Variants in KCNC2 observed in about 807,000 individuals in gnomAD.
KCNC2 encodes voltage-gated potassium channel KCNC2.
KCNC2 carries 21 observed loss-of-function variants against 44.5 expected under a neutral mutation model. The ratio of observed to expected loss-of-function variants is 0.47; its 90% CI spans 0.33 to 0.68. The LOEUF is 0.68. KCNC2 is among the 30% of genes least tolerant of loss of function. The probability of loss-of-function intolerance (pLI) is 0.01; values close to 1 mark genes in which losing one functional copy is unlikely to be tolerated. For missense variants in KCNC2, 589 were observed against 826.2 expected (o/e 0.71, Z 3.52); for synonymous variants, 391 against 339.1 (o/e 1.15, Z -1.68).
chr12:75,132,021 A>T (rs1565879962), intron 2 of KCNC2, among the ~76,000 whole-genome samples: 1 of 152,206 alleles, frequency 6.6e-6, no homozygotes, highest in Non-Finnish European at 1.5e-5. Flanking sequence ...CTTGTCTCTA[A>T]AATCAGAAAA....
At chr12:75,161,280 T>C (rs1032147729) in intron 2 of KCNC2, among the ~76,000 whole-genome samples, 23 of 151,686 alleles carry the variant, frequency 1.5e-4, no homozygotes, top group Non-Finnish European at 3.2e-4. Flanking sequence ...TAAACATCTG[T>C]ACATATAATA....
At chr12:75,093,641 A>C (rs2137142623) in intron 2 of KCNC2, among the ~76,000 whole-genome samples, 1 of 151,678 alleles carries the variant, frequency 6.6e-6, no homozygotes, top group East Asian at 1.9e-4. Flanking sequence ...CTTAATTTAC[A>C]GTTGGGCCTT....
chr12:75,095,513 A>G (rs1592858234), intron 2 of KCNC2, among the ~76,000 whole-genome samples: 1 of 151,792 alleles, frequency 6.6e-6, no homozygotes, highest in East Asian at 1.9e-4. Context: ...GTTTTCCTTC[A>G]TTCCTCCAGT....
At chr12:75,051,388 A>G in intron 2 of KCNC2, 71 bp from the exon 3 acceptor site, 5 of 849,406 alleles carry the variant, frequency 5.9e-6, no homozygotes, top group Non-Finnish European at 9.0e-6. Context: ...CTAATCTAAA[A>G]GCAACAATCC....
Position 75,187,591 on chromosome 12 carries a change from G to A in KCNC2, c.687+19706C>T, listed in dbSNP as rs546784444. The stretch of plus-strand genomic sequence containing the variant: ...GAATTATTTGCAGAAGAGATATAGC[G>A]AAGGCCAAAGAGAGTGATTGTAGGA... On this transcript the variant is annotated intron_variant, in intron 2 of 4. Coordinates refer to ENST00000549446, the MANE Select transcript of KCNC2 (RefSeq NM_139137.4). 9.2e-5 allele frequency among the ~76,000 whole-genome samples: 14 copies of A among 152,286 alleles called. No homozygotes were observed. The East Asian group carries it at 1.5e-3, about 17-fold the overall frequency.
chr12:75,124,689 A>G (rs1205640480), intron 2 of KCNC2: 2 of 152,216 alleles, frequency 1.3e-5, no homozygotes, highest in Non-Finnish European at 2.9e-5. Context: ...TTGCTTTCTT[A>G]TTAGTGGTTA....
rs1331382256 is a variant in KCNC2 at position 75,042,732 on chromosome 12, C to T, written c.*373G>A. 1 of 1,156,794 alleles carries T rather than the reference C, an allele frequency of 8.6e-7. No individual in the cohort carries two copies. The highest frequency in any genetic ancestry group is 1.6e-5 in the African/African-American group (1 of 62,460). 71.7% of individuals were successfully genotyped at this position (1,156,794 alleles called of 1,614,324 possible). A position where few individuals can be genotyped will look rare whatever the true frequency, so the allele number is the denominator to read the frequency against. The stretch of plus-strand genomic sequence containing the variant: ...TCCCAGACATCTTCAGAATGGTTTA[C>T]AGTCACAAGAAATAAAGTTCCAATG... On this transcript the variant is annotated 3_prime_UTR_variant, in exon 5 of 5. Coordinates refer to ENST00000549446, the MANE Select transcript of KCNC2 (RefSeq NM_139137.4).
intron 2 of KCNC2, among the ~76,000 whole-genome samples, chr12:75,123,789 A>G (rs552562571): frequency 6.6e-6 from 1 of 152,298 alleles, no homozygotes; most frequent in Admixed American, 6.5e-5. Flanking sequence ...CATTACACAG[A>G]ATCAAAGAAA....
At chr12:75,160,186 T>C (rs1048021875) in intron 2 of KCNC2, among the ~76,000 whole-genome samples, 2 of 151,714 alleles carry the variant, frequency 1.3e-5, no homozygotes, top group African/African-American at 4.8e-5. Context: ...GCCACCCTTA[T>C]AAGAAGAAGA....
intron 2 of KCNC2, among the ~76,000 whole-genome samples, chr12:75,116,677 G>A (rs1279048330): frequency 6.6e-6 from 1 of 152,104 alleles, no homozygotes; most frequent in African/African-American, 2.4e-5. Flanking sequence ...TTTAAAAGTA[G>A]AACAAAAGGG....
At chr12:75,175,536 T>C (rs1892125888) in intron 2 of KCNC2, among the ~76,000 whole-genome samples, 1 of 151,972 alleles carries the variant, frequency 6.6e-6, no homozygotes, top group South Asian at 2.1e-4. Context: ...CTATTTCTGG[T>C]CAATGAATTG....
chr12:75,160,181 C>CATATAATTCTT (rs1891028899), intron 2 of KCNC2, among the ~76,000 whole-genome samples: 1 of 151,450 alleles, frequency 6.6e-6, no homozygotes, highest in East Asian at 1.9e-4. Context: ...TAATTGCCAC[C>CATATAATTCTT]CTTATAAGAA....
At chr12:75,080,330 T>C (rs774022127) in intron 2 of KCNC2, among the ~76,000 whole-genome samples, 101 of 151,924 alleles carry the variant, frequency 6.6e-4, no homozygotes, top group Non-Finnish European at 5.7e-4. Flanking sequence ...TTGTTTTAAA[T>C]ATGTGAAAGA....
In KCNC2 at chr12:75,110,532, G is replaced by C. The variant is rs116725171; in HGVS notation, c.688-59215C>G. The stretch of plus-strand genomic sequence containing the variant: ...CCACCTAAGAAAAGTATGTAAGAAG[G>C]CAACAAATATCAACTGACCAGGACC... On this transcript the variant is annotated intron_variant, in intron 2 of 4. Transcript: ENST00000549446. Among the ~76,000 whole-genome samples the C allele has an allele frequency of 9.5e-3, 1,444 of 152,126 alleles. 17 individuals carry two copies. The highest frequency in any genetic ancestry group is 0.033 in the African/African-American group (1,363 of 41,500).
At chr12:75,105,316 G>T (rs575022018) in intron 2 of KCNC2, among the ~76,000 whole-genome samples, 1 of 152,250 alleles carries the variant, frequency 6.6e-6, no homozygotes, top group Non-Finnish European at 1.5e-5. Context: ...GAATTACATA[G>T]TAAGAAGTCC....
chr12:75,115,570 T>G (rs921258354), intron 2 of KCNC2, among the ~76,000 whole-genome samples: 2 of 152,328 alleles, frequency 1.3e-5, no homozygotes, highest in Middle Eastern at 3.4e-3. Flanking sequence ...ATTAGTGCTT[T>G]TGCCAGGAAT....
intron 2 of KCNC2, among the ~76,000 whole-genome samples, chr12:75,084,279 A>AGAT (rs1565840343): frequency 3.8e-4 from 45 of 119,238 alleles, no homozygotes; most frequent in Admixed American, 2.0e-3. Context: ...TTAGATAGAT[A>AGAT]GATAGATAGA....
At chr12:75,185,899 A>C (rs548695132) in intron 2 of KCNC2, among the ~76,000 whole-genome samples, 3 of 151,904 alleles carry the variant, frequency 2.0e-5, no homozygotes, top group South Asian at 2.1e-4. Context: ...TACAAAAATT[A>C]GCCGGTCATG....
intron 2 of KCNC2, among the ~76,000 whole-genome samples, chr12:75,206,490 G>A (rs12304866): frequency 0.012 from 1,761 of 152,200 alleles, 43 homozygotes; most frequent in African/African-American, 0.04. Flanking sequence ...GAACACTGAG[G>A]CTGAAATCAC....
Sources: gnomAD v4.1 joint callset for allele counts (sites outside exome capture counted in the v4.1 genomes callset) on GRCh38, gnomAD v4.1.1 for gene constraint, MANE v1.5 for transcripts, NCBI Gene and HGNC (gene_info 2026-07-23, HGNC 2026-07-21) for gene names.